Variants in NEGR1 observed in about 807,000 individuals in gnomAD.
The protein encoded by NEGR1 is IgLON family member 4.
A neutral mutation model predicts 40.9 loss-of-function variants in NEGR1; 10 were observed. The ratio of observed to expected loss-of-function variants is 0.24; its 90% CI spans 0.15 to 0.42. The LOEUF (loss-of-function observed/expected upper bound fraction) is 0.42, where lower values mean the gene tolerates loss of function less well. Among genes scored for constraint, NEGR1 ranks in the 10% least tolerant of loss-of-function variants. NEGR1 has a pLI of 1.00. For synonymous variants in NEGR1, 185 were observed against 166.8 expected (o/e 1.11, Z -0.84); for missense variants, 352 against 438.9 (o/e 0.80, Z 1.77).
intron 2 of NEGR1, among the ~76,000 whole-genome samples, chr1:71,781,082 G>T (rs1656698973): frequency 6.6e-6 from 1 of 152,240 alleles, no homozygotes; most frequent in African/African-American, 2.4e-5. Context: ...CTGATGTATA[G>T]AAATAAATTA....
intron 2 of NEGR1, among the ~76,000 whole-genome samples, chr1:71,923,788 A>AT (rs1403532062): frequency 6.6e-6 from 1 of 152,076 alleles, no homozygotes; most frequent in Non-Finnish European, 1.5e-5. Flanking sequence ...CAGCACATCA[A>AT]TCTGGCCTAC....
chr1:72,273,101 A>G (rs1010805897), intron 1 of NEGR1, among the ~76,000 whole-genome samples: 1 of 151,928 alleles, frequency 6.6e-6, no homozygotes, highest in African/African-American at 2.4e-5. Context: ...TTATAAATCA[A>G]AGCCATATGA....
At chr1:71,783,853 T>TCCAA (rs1656810500) in intron 2 of NEGR1, among the ~76,000 whole-genome samples, 1 of 129,094 alleles carries the variant, frequency 7.7e-6, no homozygotes, top group South Asian at 2.4e-4. Context: ...CATCCATCCA[T>TCCAA]CCATCCATCC....
chr1:71,990,081 T>C (rs1646436395), intron 1 of NEGR1, among the ~76,000 whole-genome samples: 1 of 152,216 alleles, frequency 6.6e-6, no homozygotes, highest in South Asian at 2.1e-4. Context: ...TATAAAATAC[T>C]TTTATTATCA....
At chr1:72,173,917 T>C (rs1336397696) in intron 1 of NEGR1, among the ~76,000 whole-genome samples, 1 of 152,142 alleles carries the variant, frequency 6.6e-6, no homozygotes, top group Non-Finnish European at 1.5e-5. Flanking sequence ...CACTCTAGCC[T>C]GGGCTACAGA....
intron 3 of NEGR1, among the ~76,000 whole-genome samples, chr1:71,702,740 A>AC (rs1394773669): frequency 6.6e-6 from 1 of 151,510 alleles, no homozygotes; most frequent in Non-Finnish European, 1.5e-5. Flanking sequence ...AAAAAAAAAA[A>AC]AACACTTTCA....
At position 71,405,914 on chromosome 1, in the gene NEGR1, G is replaced by C. The variant is rs989731373; in HGVS notation, c.*1532C>G. The C allele has an allele frequency of 6.6e-6, 1 of 152,208 alleles. No homozygotes were observed. The highest frequency in any genetic ancestry group is 1.5e-5 in the Non-Finnish European group (1 of 67,806). 9.4% of individuals were successfully genotyped at this position (152,208 alleles called of 1,614,324 possible). ...AAGGTGATGGCCTTTCTTTAGTAAA[G>C]AGTGAAACCATCAAACTATTCCTGT... On this transcript the variant is annotated 3_prime_UTR_variant, in exon 7 of 7. Transcript: ENST00000357731.
intron 2 of NEGR1, among the ~76,000 whole-genome samples, chr1:71,811,823 C>T (rs1658010834): frequency 6.7e-6 from 1 of 149,470 alleles, no homozygotes; most frequent in African/African-American, 2.5e-5. Context: ...GGATTCAAAC[C>T]CAGGTCTTTT....
At chr1:71,530,574 TTTCAA>T (rs1647320303) in intron 6 of NEGR1, among the ~76,000 whole-genome samples, 2 of 151,360 alleles carry the variant, frequency 1.3e-5, no homozygotes, top group East Asian at 3.9e-4. Context: ...GTTTTTTATC[TTTCAA>T]TTCAATTCAA....
intron 6 of NEGR1, among the ~76,000 whole-genome samples, chr1:71,542,510 G>A (rs1192112257): frequency 2.0e-5 from 3 of 151,682 alleles, no homozygotes; most frequent in Non-Finnish European, 3.0e-5. Flanking sequence ...AAATTTTAGA[G>A]GGCATTCTGA....
At chr1:71,701,853 G>GA (rs1653707751) in intron 3 of NEGR1, among the ~76,000 whole-genome samples, 1 of 151,990 alleles carries the variant, frequency 6.6e-6, no homozygotes, top group African/African-American at 2.4e-5. Context: ...ATGAAGTTCA[G>GA]AAAAATAAAT....
chr1:71,770,522 AAATC>A (rs1462146060), intron 3 of NEGR1, among the ~76,000 whole-genome samples: 1 of 152,198 alleles, frequency 6.6e-6, no homozygotes, highest in Non-Finnish European at 1.5e-5. Flanking sequence ...GTATGGTATA[AAATC>A]AATCAAAGTT....
chr1:72,225,505 T>C (rs1390755550), intron 1 of NEGR1, among the ~76,000 whole-genome samples: 3 of 151,696 alleles, frequency 2.0e-5, no homozygotes, highest in South Asian at 2.1e-4. Flanking sequence ...TTATGAAGTA[T>C]TGACTTTATA....
chr1:71,881,534 A>G (rs1480733090), intron 2 of NEGR1, among the ~76,000 whole-genome samples: 5 of 152,128 alleles, frequency 3.3e-5, no homozygotes, highest in African/African-American at 4.8e-5. Context: ...ATTTTAAAAT[A>G]CAGAGTATTT....
At chr1:71,697,100 T>G (rs1211378250) in intron 4 of NEGR1, among the ~76,000 whole-genome samples, 4 of 151,836 alleles carry the variant, frequency 2.6e-5, no homozygotes, top group African/African-American at 7.2e-5. Context: ...AACTGCTGAT[T>G]AGCTTTAACA....
At chr1:71,611,190 A>G (rs1305122127) in intron 4 of NEGR1, 44 bp from the exon 5 acceptor site, 5 of 1,563,828 alleles carry the variant, frequency 3.2e-6, no homozygotes, top group Non-Finnish European at 4.4e-6. Context: ...ATAAGTAAAA[A>G]TAATCCTCAA....
chr1:72,011,869 A>G (rs1041286806), intron 1 of NEGR1, among the ~76,000 whole-genome samples: 5 of 152,118 alleles, frequency 3.3e-5, no homozygotes, highest in African/African-American at 1.2e-4. Context: ...GCAGGGATCT[A>G]TCAAATCCTA....
At chr1:71,447,684 C>T (rs1056755111) in intron 6 of NEGR1, among the ~76,000 whole-genome samples, 9 of 152,134 alleles carry the variant, frequency 5.9e-5, no homozygotes, top group Admixed American at 3.3e-4. Context: ...AGTGTTTGAA[C>T]GTAACTTGAA....
intron 2 of NEGR1, among the ~76,000 whole-genome samples, chr1:71,816,481 G>A (rs1193665263): frequency 6.6e-6 from 1 of 152,026 alleles, no homozygotes; most frequent in East Asian, 1.9e-4. Context: ...GCATGTCTTA[G>A]GTGGCAGTAA....
Sources: allele counts gnomAD v4.1 joint callset (sites outside exome capture counted in the v4.1 genomes callset), GRCh38; gene constraint gnomAD v4.1.1; transcripts MANE v1.5; gene names NCBI Gene and HGNC (gene_info 2026-07-23, HGNC 2026-07-21).